The following FMN1 variants were observed in gnomAD, a reference collection of about 807,000 sequenced individuals.
FMN1 encodes the protein formin 1.
FMN1 carries 110 observed loss-of-function variants against 132.4 expected under a neutral mutation model. That is an observed-to-expected ratio of 0.83 (90% CI 0.71 to 0.97). The LOEUF is 0.97. FMN1 is among the 50% of genes least tolerant of loss of function. The pLI is 0.00. For synonymous variants in FMN1, 722 were observed against 651.7 expected (o/e 1.11, Z -1.64); for missense variants, 1,792 against 1,705.3 (o/e 1.05, Z -0.90).
chr15:33,085,372 G>A (rs1339317996), intron 5 of FMN1, among the ~76,000 whole-genome samples: 1 of 151,858 alleles, frequency 6.6e-6, no homozygotes, highest in Admixed American at 6.6e-5. Flanking sequence ...AGGTGAGGAA[G>A]GAAACACAGG....
intron 19 of FMN1, among the ~76,000 whole-genome samples, chr15:32,790,784 T>C (rs1298164719): frequency 1.3e-5 from 2 of 152,194 alleles, no homozygotes; most frequent in Non-Finnish European, 2.9e-5. Context: ...GCTCTTTCAA[T>C]ATCCAGCTGT....
chr15:32,802,778 CTCT>C (rs1483079475), intron 18 of FMN1, among the ~76,000 whole-genome samples: 1 of 152,158 alleles, frequency 6.6e-6, no homozygotes, highest in African/African-American at 2.4e-5. Flanking sequence ...TGTTGATAAT[CTCT>C]TATGTGCTGG....
intron 17 of FMN1, among the ~76,000 whole-genome samples, chr15:32,818,605 C>T (rs757400594): frequency 5.3e-5 from 8 of 152,150 alleles, no homozygotes; most frequent in South Asian, 2.1e-4. Context: ...GTGTCTAATA[C>T]TGCAAAGTAA....
rs113141747 is a variant in FMN1, at chr15:33,001,264, C to G, written c.2223+6750G>C. On this transcript the variant is annotated intron_variant, in intron 7 of 20. Coordinates refer to ENST00000616417, the MANE Select transcript of FMN1 (RefSeq NM_001277313.2). ...CAGCATTTCAATCTAGCTTGGGTAA[C>G]AAGAGTAAGACTCCGTCTCAAAAAG... is the stretch of plus-strand genomic sequence containing the variant. Among the ~76,000 whole-genome samples, 1,465 of 151,852 alleles carry G rather than the reference C, an allele frequency of 9.6e-3. 26 individuals carry two copies. Among genetic ancestry groups the G allele is most frequent in the African/African-American group, 0.033 (1,379 of 41,410 alleles).
At chr15:33,048,650 C>CAAAAAAAAAAAAAAAAA (rs2036824599) in intron 6 of FMN1, among the ~76,000 whole-genome samples, 1 of 25,116 alleles carries the variant, frequency 4.0e-5, no homozygotes, top group Admixed American at 4.2e-4. Flanking sequence ...AAAAAAAAAA[C>CAAAAAAAAAAAAAAAAA]CAACAGTTTA....
chr15:32,779,134 C>T (rs543755319), intron 19 of FMN1, among the ~76,000 whole-genome samples: 1 of 152,274 alleles, frequency 6.6e-6, no homozygotes, highest in South Asian at 2.1e-4. Context: ...GTTAGCAAAA[C>T]TATGGGTTTC....
At chr15:32,910,963 A>C (rs974244076) in intron 10 of FMN1, among the ~76,000 whole-genome samples, 1 of 152,262 alleles carries the variant, frequency 6.6e-6, no homozygotes, top group Non-Finnish European at 1.5e-5. Flanking sequence ...ATGTTGGCAA[A>C]TTAAATGAAT....
chr15:32,988,929 G>A (rs2033258235), intron 7 of FMN1, among the ~76,000 whole-genome samples: 1 of 152,132 alleles, frequency 6.6e-6, no homozygotes, highest in Non-Finnish European at 1.5e-5. Flanking sequence ...TCATGCAAAT[G>A]TTGTCTAAAC....
At position 32,969,361 on chromosome 15, in the gene FMN1, A is replaced by C; in HGVS notation, c.2340T>G (p.Gly780=). Residue 780 remains glycine, a synonymous_variant, in exon 8 of 21, where the codon GGT becomes GGG. Transcript: ENST00000616417. ...KHELEHRWRG[G]CEERKDVCIS... is the part of the protein sequence containing the mutation. ...TGCACACATCTTTCCTCTCTTCACA[A>C]CCCCCTCGCCATCTGTGTTCTAGCT... is the stretch of plus-strand genomic sequence containing the variant. 2 of 1,613,052 alleles carry C rather than the reference A, an allele frequency of 1.2e-6. No homozygotes were observed. Among genetic ancestry groups the C allele is most frequent in the South Asian group, 2.2e-5 (2 of 91,040 alleles).
rs571418191 is a variant in FMN1, at chr15:32,772,464, T to C, written c.*1846A>G. 1 of 152,246 alleles carries C rather than the reference T, an allele frequency of 6.6e-6. No individual in the cohort carries two copies. Among genetic ancestry groups the C allele is most frequent in the Non-Finnish European group, 1.5e-5 (1 of 68,044 alleles). The allele number at this position is 152,246 out of a possible 1,614,324, so 9.4% of individuals were successfully genotyped here. ...GTTATAAGTGGAATCAGTTTTTAAT[T>C]GATCCGTTCTTTTGGTTGTCTTCAG... On this transcript the variant is annotated 3_prime_UTR_variant, in exon 21 of 21. Coordinates refer to ENST00000616417, the MANE Select transcript of FMN1 (RefSeq NM_001277313.2).
Position 32,969,278 on chromosome 15 carries a change from T to C in FMN1, c.2423A>G (p.Asp808Gly), listed in dbSNP as rs1567483104. 1 of 1,613,898 alleles carries C rather than the reference T, an allele frequency of 6.2e-7. No homozygotes were observed. Among genetic ancestry groups the C allele is most frequent in the East Asian group, 2.2e-5 (1 of 44,878 alleles). Residue 808 changes from aspartate (D) to glycine (G), a missense_variant, in exon 8 of 21, where the codon GAC becomes GGC. Coordinates refer to ENST00000616417, the MANE Select transcript of FMN1 (RefSeq NM_001277313.2). Reference protein sequence around the residue: ...KTFRNVCVQTDRETFLKPCES... With the variant: ...KTFRNVCVQTGRETFLKPCES... ...ACAGGGCTTGAGGAAGGTCTCTCTG[T>C]CTGTCTGGACGCACACATTTCTGAA...
chr15:33,155,445 T>A (rs1964634393), intron 3 of FMN1, among the ~76,000 whole-genome samples: 1 of 152,192 alleles, frequency 6.6e-6, no homozygotes. Flanking sequence ...GCCATTTTCA[T>A]AACTCATATT....
At chr15:33,141,039 C>A (rs1963989482) in intron 4 of FMN1, among the ~76,000 whole-genome samples, 1 of 152,004 alleles carries the variant, frequency 6.6e-6, no homozygotes, top group African/African-American at 2.4e-5. Context: ...GATATGATTT[C>A]TTTACAAATG....
At chr15:32,994,451 C>T (rs1047764752) in intron 7 of FMN1, among the ~76,000 whole-genome samples, 10 of 152,184 alleles carry the variant, frequency 6.6e-5, no homozygotes, top group African/African-American at 2.4e-4. Context: ...CAAACCTCTG[C>T]TTAAAGGTCA....
intron 15 of FMN1, among the ~76,000 whole-genome samples, chr15:32,890,338 G>A (rs1462663071): frequency 6.6e-6 from 1 of 152,190 alleles, no homozygotes; most frequent in African/African-American, 2.4e-5. Context: ...GTTCTTTAAG[G>A]AGTCTCCACA....
intron 4 of FMN1, among the ~76,000 whole-genome samples, chr15:33,110,537 T>C (rs942350522): frequency 6.6e-6 from 1 of 152,058 alleles, no homozygotes; most frequent in Non-Finnish European, 1.5e-5. Flanking sequence ...AAAGGTAAAA[T>C]TCTGTATTAA....
intron 9 of FMN1, among the ~76,000 whole-genome samples, chr15:32,941,283 G>A (rs1303066187): frequency 6.6e-6 from 1 of 152,144 alleles, no homozygotes; most frequent in Non-Finnish European, 1.5e-5. Context: ...GTATTTGTAA[G>A]ATTTTGCTTA....
At chr15:32,985,035 C>T (rs1236089198) in intron 7 of FMN1, among the ~76,000 whole-genome samples, 2 of 146,576 alleles carry the variant, frequency 1.4e-5, no homozygotes, top group Admixed American at 6.8e-5. Context: ...TCTATCCCTT[C>T]TTCAGAATAA....
intron 7 of FMN1, among the ~76,000 whole-genome samples, chr15:32,985,368 C>A (rs2033000104): frequency 6.6e-6 from 1 of 152,112 alleles, no homozygotes. Context: ...CTCCTTCCAT[C>A]TTTTAAATAT....
Sources: allele counts gnomAD v4.1 joint callset (sites outside exome capture counted in the v4.1 genomes callset), GRCh38; gene constraint gnomAD v4.1.1; transcripts MANE v1.5; gene names NCBI Gene and HGNC (gene_info 2026-07-23, HGNC 2026-07-21).